Variants in DNAJC13 observed in about 807,000 individuals in gnomAD.
DNAJC13 encodes dnaJ homolog subfamily C member 13.
DNAJC13 carries 75 observed loss-of-function variants against 290.5 expected under a neutral mutation model. The ratio of observed to expected loss-of-function variants is 0.26; its 90% CI spans 0.21 to 0.31. DNAJC13 has a LOEUF of 0.31. Among genes scored for constraint, DNAJC13 ranks in the 10% least tolerant of loss-of-function variants. The probability of loss-of-function intolerance (pLI) is 1.00; values close to 1 mark genes in which losing one functional copy is unlikely to be tolerated. For synonymous variants in DNAJC13, 862 were observed against 892.0 expected, an observed-to-expected ratio of 0.97 and a Z score of 0.60; for missense variants, 2,260 against 2,674.5, an observed-to-expected ratio of 0.85 and a Z score of 3.42.
chr3:132,454,896 T>C (rs1023998078), intron 9 of DNAJC13, among the ~76,000 whole-genome samples: 4 of 152,148 alleles, frequency 2.6e-5, no homozygotes, highest in Non-Finnish European at 4.4e-5. Context: ...ACAGTAGCCG[T>C]AGGAAGAAGG....
chr3:132,482,475 A>G, intron 27 of DNAJC13, 145 bp downstream of exon 27: 1 of 587,654 alleles, frequency 1.7e-6, no homozygotes, highest in African/African-American at 1.9e-5. Context: ...CAGTTTCCAC[A>G]TGAAAAATGG....
In DNAJC13 at chr3:132,513,015, G is replaced by A; in HGVS notation, c.5301G>A (p.Glu1767=). 6.2e-7 allele frequency: 1 copy of A among 1,612,494 alleles called. No individual in the cohort carries two copies. Among genetic ancestry groups the A allele is most frequent in the Non-Finnish European group, 8.5e-7 (1 of 1,178,722 alleles). ...RNVIKYNPGS[E]SECIGHFKLI... ...TTTATTCTTATTCTCTAGGTTCTGA[G>A]AGTGAATGCATTGGGCACTTTAAGT... Residue 1767 remains glutamate (E), a synonymous_variant, in exon 45 of 56, where the codon GAG becomes GAA. Coordinates refer to ENST00000260818, the MANE Select transcript of DNAJC13 (RefSeq NM_015268.4).
At chr3:132,474,641 T>TA (rs1934401856) in intron 21 of DNAJC13, among the ~76,000 whole-genome samples, 1 of 150,002 alleles carries the variant, frequency 6.7e-6, no homozygotes, top group Non-Finnish European at 1.5e-5. Context: ...TTTCATAGTT[T>TA]AGGTTCCTTT....
intron 55 of DNAJC13, 58 bp from the exon 56 acceptor site, chr3:132,538,118 G>GTCAA (rs1936652393): frequency 7.0e-7 from 1 of 1,424,768 alleles, no homozygotes; most frequent in South Asian, 1.2e-5. Context: ...TTTTATAAAG[G>GTCAA]TCAATGTTTT....
intron 2 of DNAJC13, among the ~76,000 whole-genome samples, chr3:132,434,820 G>C (rs1412501362): frequency 6.6e-6 from 1 of 152,080 alleles, no homozygotes; most frequent in Non-Finnish European, 1.5e-5. Flanking sequence ...TTCTTGGGAA[G>C]GAGTTTGGTA....
intron 26 of DNAJC13, among the ~76,000 whole-genome samples, chr3:132,480,672 A>T (rs915532518): frequency 5.3e-5 from 8 of 152,196 alleles, no homozygotes; most frequent in Non-Finnish European, 1.0e-4. Context: ...ATTGAGTTTT[A>T]TTTTGTCAAT....
chr3:132,450,012 T>C (rs1298364336), intron 5 of DNAJC13, among the ~76,000 whole-genome samples: 4 of 152,194 alleles, frequency 2.6e-5, no homozygotes, highest in African/African-American at 9.6e-5. Context: ...ACTATTCTAA[T>C]AATTTCTGAC....
chr3:132,518,711 T>C (rs1209770509), intron 48 of DNAJC13, among the ~76,000 whole-genome samples: 1 of 152,150 alleles, frequency 6.6e-6, no homozygotes, highest in African/African-American at 2.4e-5. Flanking sequence ...ATCATTGACA[T>C]ACCATACAGT....
chr3:132,521,115 A>G (rs562906815), intron 48 of DNAJC13, among the ~76,000 whole-genome samples: 13 of 152,236 alleles, frequency 8.5e-5, no homozygotes, highest in African/African-American at 2.9e-4. Context: ...CTTAAACACA[A>G]CAGTCATGTA....
intron 43 of DNAJC13, among the ~76,000 whole-genome samples, chr3:132,508,572 G>T (rs1020504640): frequency 6.6e-6 from 1 of 152,092 alleles, no homozygotes; most frequent in African/African-American, 2.4e-5. Context: ...ATAGGTAGAG[G>T]CTAAACAGTG....
Position 132,511,110 on chromosome 3 carries a change from C to T in DNAJC13, c.5159C>T (p.Ser1720Leu), listed in dbSNP as rs753788665. ...GCAAGTCTCTTGGATTATATAGGCT[C>T]GCAGGCCCAATACTTGCACACATTC... ...FAASLLDYIG[S>L]QAQYLHTFMA... Residue 1720 changes from serine to leucine, a missense_variant, in exon 44 of 56, where the codon TCG becomes TTG. By Grantham distance (145) the Ser-to-Leu change is moderately radical. Around this residue, in one of 3 missense-constraint regions of DNAJC13, gnomAD observed 1,494 missense variants for 1,693.7 expected, o/e 0.88. Transcript: ENST00000260818. The T allele has an allele frequency of 9.9e-6, 16 of 1,613,722 alleles. No individual in the cohort carries two copies. The highest frequency in any genetic ancestry group is 2.2e-5 in the South Asian group (2 of 91,070).
intron 26 of DNAJC13, among the ~76,000 whole-genome samples, chr3:132,481,591 G>C (rs1934674555): frequency 6.6e-6 from 1 of 152,080 alleles, no homozygotes; most frequent in Non-Finnish European, 1.5e-5. Flanking sequence ...AAAAAAGAAA[G>C]ACAAAGAACA....
At chr3:132,533,876 A>G (rs1398628475) in intron 55 of DNAJC13, among the ~76,000 whole-genome samples, 2 of 152,146 alleles carry the variant, frequency 1.3e-5, no homozygotes, top group African/African-American at 4.8e-5. Context: ...TATCTTCAGA[A>G]ACCTGGACTT....
In DNAJC13 at chr3:132,531,082, G is replaced by A. The variant is rs772304325; in HGVS notation, c.6610G>A (p.Ala2204Thr). Residue 2204 changes from alanine to threonine, a missense_variant, in exon 55 of 56, where the codon GCA becomes ACA. By Grantham distance (58) the Ala-to-Thr change is moderately conservative. Coordinates refer to ENST00000260818, the MANE Select transcript of DNAJC13 (RefSeq NM_015268.4). ...HDLFISESQTAGYLTGPGVAG... is the reference protein window; with the variant it reads ...HDLFISESQTTGYLTGPGVAG... ...TTTGTTCATTTCTGAGTCACAAACA[G>A]CAGGATACCTCACAGGTAAGCCATA... 3.7e-6 allele frequency: 6 copies of A among 1,614,016 alleles called. No individual in the cohort carries two copies. The highest frequency in any genetic ancestry group is 3.4e-6 in the Non-Finnish European group (4 of 1,179,930).
At chr3:132,533,057 CT>C (rs35854494) in intron 55 of DNAJC13, among the ~76,000 whole-genome samples, 62 of 102,882 alleles carry the variant, frequency 6.0e-4, no homozygotes, top group Admixed American at 5.4e-4. Context: ...CCACACCTGG[CT>C]TTTTTTTTTT....
chr3:132,468,576 C>A (rs1289622533), intron 20 of DNAJC13, among the ~76,000 whole-genome samples: 1 of 152,122 alleles, frequency 6.6e-6, no homozygotes, highest in East Asian at 1.9e-4. Flanking sequence ...TGGTTAACTT[C>A]TGAGCCTAGT....
At chr3:132,524,998 A>G (rs184632379) in intron 51 of DNAJC13, among the ~76,000 whole-genome samples, 27 of 152,200 alleles carry the variant, frequency 1.8e-4, no homozygotes, top group Non-Finnish European at 3.7e-4. Flanking sequence ...CATACCTGCA[A>G]CATGGTCTAA....
chr3:132,486,020 C>T (rs1022849017), intron 29 of DNAJC13, among the ~76,000 whole-genome samples: 3 of 149,106 alleles, frequency 2.0e-5, no homozygotes, highest in African/African-American at 7.4e-5. Flanking sequence ...TTATTTACTA[C>T]CTAAATGCTT....
At chr3:132,470,995 G>A (rs1194133071) in intron 20 of DNAJC13, among the ~76,000 whole-genome samples, 29 of 128,612 alleles carry the variant, frequency 2.3e-4, no homozygotes, top group South Asian at 5.3e-4. Context: ...CCTCCCGGAC[G>A]GGGCGGCTGG....
Sources: allele counts gnomAD v4.1 joint callset (sites outside exome capture counted in the v4.1 genomes callset), GRCh38; gene constraint gnomAD v4.1.1; regional missense constraint gnomAD v4.1.1; transcripts MANE v1.5; gene names NCBI Gene and HGNC (gene_info 2026-07-23, HGNC 2026-07-21).